Variants in MAPK1IP1L observed in about 807,000 individuals in gnomAD.
The protein encoded by MAPK1IP1L is MAPK-interacting and spindle-stabilizing protein-like.
Under a neutral mutation model 18.1 loss-of-function variants are expected in MAPK1IP1L, and 10 were observed. The ratio of observed to expected loss-of-function variants is 0.55; its 90% CI spans 0.34 to 0.94. The LOEUF (loss-of-function observed/expected upper bound fraction) is 0.94, where lower values mean the gene tolerates loss of function less well. MAPK1IP1L is among the 40% of genes least tolerant of loss of function. The pLI is 0.02. For missense variants in MAPK1IP1L, 260 were observed against 318.2 expected (o/e 0.82, Z 1.39); for synonymous variants, 115 against 117.3 (o/e 0.98, Z 0.13).
rs1427355577 is a variant in MAPK1IP1L, at chr14:55,065,667, G to A, written c.*1040G>A. 1 of 152,136 alleles carries A rather than the reference G, an allele frequency of 6.6e-6. No individual in the cohort carries two copies. Among genetic ancestry groups the A allele is most frequent in the Non-Finnish European group, 1.5e-5 (1 of 68,026 alleles). 9.4% of individuals were successfully genotyped at this position (152,136 alleles called of 1,614,324 possible). Reference sequence around the variant, plus strand: ...AAAACATAAAACAGTTGTGTTTAGGGAACCTTAAGTCATGCAGACATGACT... The same window carrying A: ...AAAACATAAAACAGTTGTGTTTAGGAAACCTTAAGTCATGCAGACATGACT... On this transcript the variant is annotated 3_prime_UTR_variant, in exon 4 of 4. Transcript: ENST00000395468.
intron 2 of MAPK1IP1L, 133 bp from the exon 3 acceptor site, chr14:55,062,485 T>C (rs971660483): frequency 1.4e-6 from 1 of 722,252 alleles, no homozygotes; most frequent in Non-Finnish European, 2.3e-6. Flanking sequence ...TTTAAATGAC[T>C]AGCTTAGCTT....
In MAPK1IP1L at chr14:55,056,394, A is replaced by G. The variant is rs1198132181; in HGVS notation, c.-5+4591A>G. ...TTTCAGAAAGGCTAACCCTGTTTAA[A>G]AAGCATGTTAGCCTTACAACTTACC... is the stretch of plus-strand genomic sequence containing the variant. On this transcript the variant is annotated intron_variant, in intron 1 of 3. Coordinates refer to ENST00000395468, the MANE Select transcript of MAPK1IP1L (RefSeq NM_144578.4). Among the ~76,000 whole-genome samples, 4 of 152,224 alleles carry G rather than the reference A, an allele frequency of 2.6e-5. No homozygotes were observed. The East Asian group carries it at 7.7e-4, about 29-fold the overall frequency.
chr14:55,066,494 AG>A lies in MAPK1IP1L; in HGVS notation c.*1868del, dbSNP rs1469949649. 1 of 152,246 alleles carries A rather than the reference AG, an allele frequency of 6.6e-6. No individual in the cohort carries two copies. The highest frequency in any genetic ancestry group is 1.5e-5 in the Non-Finnish European group (1 of 68,044). 9.4% of individuals were successfully genotyped at this position (152,246 alleles called of 1,614,324 possible). A position where few individuals can be genotyped will look rare whatever the true frequency, so the allele number is the denominator to read the frequency against. On this transcript the variant is annotated 3_prime_UTR_variant, in exon 4 of 4. Coordinates refer to ENST00000395468, the MANE Select transcript of MAPK1IP1L (RefSeq NM_144578.4). The stretch of plus-strand genomic sequence containing the variant: ...AGCCCCCTTAGTCTACAAGGCAGGT[AG>A]CCTTGGCTTGAATTATCAATATCAA...
At chr14:55,060,659 T>A (rs2042810997) in intron 1 of MAPK1IP1L, 1 of 152,230 alleles carries the variant, frequency 6.6e-6, no homozygotes, top group African/African-American at 2.4e-5. Flanking sequence ...GGCAAGGTAG[T>A]TGATTGGAAA....
intron 1 of MAPK1IP1L, among the ~76,000 whole-genome samples, chr14:55,053,725 T>A (rs2042748222): frequency 6.6e-6 from 1 of 152,192 alleles, no homozygotes; most frequent in Middle Eastern, 3.2e-3. Context: ...TAACTGCTCT[T>A]CTTTCCCTAG....
At chr14:55,055,596 A>G (rs1049894150) in intron 1 of MAPK1IP1L, among the ~76,000 whole-genome samples, 3 of 152,136 alleles carry the variant, frequency 2.0e-5, no homozygotes, top group African/African-American at 7.2e-5. Context: ...GGAGGGGGCA[A>G]ACTTTCATTT....
At chr14:55,055,215 C>G (rs1469383190) in intron 1 of MAPK1IP1L, among the ~76,000 whole-genome samples, 2 of 152,188 alleles carry the variant, frequency 1.3e-5, no homozygotes, top group Non-Finnish European at 1.5e-5. Flanking sequence ...GGTCTTCCCA[C>G]CTCAGCCTCC....
rs2042878598 is a variant in MAPK1IP1L at position 55,068,049 on chromosome 14, A to G, written c.*3422A>G. ...CTTGGCTTGTCTGTCCCATCCTGCC[A>G]CTTTCTCATCTTTTCATGCTTTTGA... is the stretch of plus-strand genomic sequence containing the variant. On this transcript the variant is annotated 3_prime_UTR_variant, in exon 4 of 4. Transcript: ENST00000395468. 6.6e-6 allele frequency: 1 copy of G among 152,166 alleles called. No homozygotes were observed. Among genetic ancestry groups the G allele is most frequent in the Admixed American group, 6.5e-5 (1 of 15,272 alleles). The allele number at this position is 152,166 out of a possible 1,614,324, so 9.4% of individuals were successfully genotyped here. A position where few individuals can be genotyped will look rare whatever the true frequency, so the allele number is the denominator to read the frequency against.
In MAPK1IP1L at chr14:55,067,542, G is replaced by T. The variant is rs1236355799; in HGVS notation, c.*2915G>T. ...TTCTGCCTCAGCCTCCCAAGTAGCT[G>T]GGATTACAGGTGCCCGCCACCACAC... On this transcript the variant is annotated 3_prime_UTR_variant, in exon 4 of 4. Coordinates refer to ENST00000395468, the MANE Select transcript of MAPK1IP1L (RefSeq NM_144578.4). 6.6e-6 allele frequency: 1 copy of T among 152,044 alleles called. No individual in the cohort carries two copies. The highest frequency in any genetic ancestry group is 1.5e-5 in the Non-Finnish European group (1 of 68,112). The allele number at this position is 152,044 out of a possible 1,614,324, so 9.4% of individuals were successfully genotyped here.
chr14:55,064,076 C>T (rs1397014520), intron 3 of MAPK1IP1L: 5 of 134,736 alleles, frequency 3.7e-5, no homozygotes, highest in East Asian at 2.4e-4. Flanking sequence ...TGCAGTCTCT[C>T]GGCTCGCTGC....
Position 55,069,041 on chromosome 14 carries a change from C to A in MAPK1IP1L, c.*4414C>A, listed in dbSNP as rs2042886856. On this transcript the variant is annotated 3_prime_UTR_variant, in exon 4 of 4. Transcript: ENST00000395468. The stretch of plus-strand genomic sequence containing the variant: ...TTTTTTTTAAGAATTTAATGTTTTT[C>A]AAGATTGTAGTGTTGATCAGCGCAA... 6.7e-6 allele frequency: 1 copy of A among 149,410 alleles called. No individual in the cohort carries two copies. The highest frequency in any genetic ancestry group is 2.1e-4 in the South Asian group (1 of 4,764). 9.3% of individuals were successfully genotyped at this position (149,410 alleles called of 1,614,324 possible).
At chr14:55,055,260 C>T (rs567692762) in intron 1 of MAPK1IP1L, among the ~76,000 whole-genome samples, 4 of 152,284 alleles carry the variant, frequency 2.6e-5, no homozygotes, top group South Asian at 2.1e-4. Context: ...CACTACCAAG[C>T]GCGGCTTAGA....
chr14:55,064,970 T>G lies in MAPK1IP1L; in HGVS notation c.*343T>G. ...TAAGATGTGGATTATTGTTAGAATC[T>G]GCAACTTCATTGGCAAATTATTTCA... On this transcript the variant is annotated 3_prime_UTR_variant, in exon 4 of 4. Transcript: ENST00000395468. 1 of 205,858 alleles carries G rather than the reference T, an allele frequency of 4.9e-6. No individual in the cohort carries two copies. Among genetic ancestry groups the G allele is most frequent in the Non-Finnish European group, 9.6e-6 (1 of 103,888 alleles). The allele number at this position is 205,858 out of a possible 1,614,324, so 12.8% of individuals were successfully genotyped here. A position where few individuals can be genotyped will look rare whatever the true frequency, so the allele number is the denominator to read the frequency against.
rs143054292 is a variant in MAPK1IP1L, at chr14:55,063,032, T to A, written c.433T>A (p.Trp145Arg). The A allele has an allele frequency of 6.2e-7, 1 of 1,614,010 alleles. No individual in the cohort carries two copies. The highest frequency in any genetic ancestry group is 1.7e-5 in the Admixed American group (1 of 60,018). ...AGCTGCAGCTGGTCCTTTAGGTCCA[T>A]GGGGATCCATGTCTTCTGGACCTTG... ...DPAAAGPLGP[W>R]GSMSSGPWAP... The change falls in exon 3 of 4, where the codon TGG (tryptophan) becomes AGG (arginine). Residue 145 changes from tryptophan (W) to arginine (R), a missense_variant. Coordinates refer to ENST00000395468, the MANE Select transcript of MAPK1IP1L (RefSeq NM_144578.4).
chr14:55,057,322 CT>C (rs1249903043), intron 1 of MAPK1IP1L, among the ~76,000 whole-genome samples: 1 of 152,128 alleles, frequency 6.6e-6, no homozygotes, highest in Non-Finnish European at 1.5e-5. Flanking sequence ...AAGTGAGAAA[CT>C]TTGAAGAATA....
At chr14:55,057,155 C>T (rs963797338) in intron 1 of MAPK1IP1L, among the ~76,000 whole-genome samples, 1 of 152,006 alleles carries the variant, frequency 6.6e-6, no homozygotes, top group African/African-American at 2.4e-5. Context: ...ATTAGCATTC[C>T]CAGGAGAGTT....
intron 1 of MAPK1IP1L, among the ~76,000 whole-genome samples, chr14:55,059,242 AAAAG>A (rs1340617581): frequency 1.2e-4 from 18 of 151,298 alleles, no homozygotes; most frequent in Admixed American, 3.3e-4. Flanking sequence ...AAAAAAAAAA[AAAAG>A]ACAGTAGGGT....
rs567798198 is a variant in MAPK1IP1L at position 55,062,923 on chromosome 14, G to A, written c.324G>A (p.Pro108=). 1.1e-5 allele frequency: 18 copies of A among 1,613,794 alleles called. No homozygotes were observed. Among genetic ancestry groups the A allele is most frequent in the South Asian group, 4.4e-5 (4 of 91,068 alleles). ...GTCCTTATCCAGCCCCAACTGTGCC[G>A]GGCCCTGGCCCCACAGGGCCATATC... The part of the protein sequence containing the change: ...PGGPYPAPTV[P]GPGPTGPYPT... The change falls in exon 3 of 4, where the codon CCG becomes CCA. Residue 108 remains proline (P), a synonymous_variant. Transcript: ENST00000395468.
At chr14:55,062,314 G>T (rs1242198616) in intron 2 of MAPK1IP1L, among the ~76,000 whole-genome samples, 2 of 152,130 alleles carry the variant, frequency 1.3e-5, no homozygotes, top group Non-Finnish European at 2.9e-5. Context: ...TTGACTGTTA[G>T]TTCTATCTTC....
Sources: allele counts gnomAD v4.1 joint callset (sites outside exome capture counted in the v4.1 genomes callset), GRCh38; gene constraint gnomAD v4.1.1; transcripts MANE v1.5; gene names NCBI Gene and HGNC (gene_info 2026-07-23, HGNC 2026-07-21).